The following ASPM variants were observed in gnomAD, a reference collection of about 807,000 sequenced individuals.
ASPM encodes assembly factor for spindle microtubules.
In ASPM, 256 loss-of-function variants were observed where a neutral mutation model predicts 366.4. The observed-to-expected ratio is 0.70, with a 90% CI of 0.63 to 0.77. ASPM has a LOEUF of 0.77. ASPM is among the 30% of genes least tolerant of loss of function. The probability of loss-of-function intolerance (pLI) is 0.00; values close to 1 mark genes in which losing one functional copy is unlikely to be tolerated. For missense variants in ASPM, 4,146 were observed against 4,090.4 expected (o/e 1.01, Z -0.37); for synonymous variants, 1,414 against 1,342.9 (o/e 1.05, Z -1.16).
intron 17 of ASPM, among the ~76,000 whole-genome samples, chr1:197,109,033 G>A (rs931083163): frequency 1.4e-5 from 2 of 145,400 alleles, no homozygotes; most frequent in Admixed American, 6.9e-5. Context: ...TATGCTAATT[G>A]TCCTAATGTG....
In ASPM at chr1:197,086,990, CA is replaced by C; in HGVS notation, c.10162-19del. The stretch of plus-strand genomic sequence containing the variant: ...CGTACATCCTACAAAATAAAATGCA[CA>C]GTTACTAAAAAGTAATAAGAATTAA... On this transcript the variant is annotated intron_variant, in intron 26 of 27. Coordinates refer to ENST00000367409, the MANE Select transcript of ASPM (RefSeq NM_018136.5). The C allele has an allele frequency of 6.3e-7, 1 of 1,596,976 alleles. No individual in the cohort carries two copies. The highest frequency in any genetic ancestry group is 1.1e-5 in the South Asian group (1 of 90,222).
chr1:197,137,127 T>G (rs1658442625), intron 4 of ASPM, among the ~76,000 whole-genome samples: 1 of 152,178 alleles, frequency 6.6e-6, no homozygotes, highest in African/African-American at 2.4e-5. Context: ...AACATTGGAT[T>G]AAGATGAAAG....
intron 18 of ASPM, among the ~76,000 whole-genome samples, chr1:197,100,119 T>C (rs927904703): frequency 6.6e-6 from 1 of 151,730 alleles, no homozygotes; most frequent in African/African-American, 2.4e-5. Context: ...TATTTTCCAC[T>C]TAAAGAAATA....
intron 13 of ASPM, among the ~76,000 whole-genome samples, chr1:197,123,181 G>A (rs995140326): frequency 2.0e-5 from 3 of 152,036 alleles, no homozygotes; most frequent in African/African-American, 7.2e-5. Context: ...ACTAGACAGG[G>A]CTTCATTACT....
rs755617303 is a variant in ASPM at position 197,103,306 on chromosome 1, C to T, written c.5945G>A (p.Arg1982Lys). 10 of 1,613,130 alleles carry T rather than the reference C, an allele frequency of 6.2e-6. No individual in the cohort carries two copies. Among genetic ancestry groups the T allele is most frequent in the Non-Finnish European group, 8.5e-6 (10 of 1,179,446 alleles). The part of the protein sequence containing the change: ...KCAIIIQSYY[R>K]MHVQQKKWKI... The stretch of plus-strand genomic sequence containing the variant: ...CCACTTCTTTTGTTGCACATGCATT[C>T]TATAGTATGACTGTATGATGATAGC... Residue 1982 changes from arginine to lysine, a missense_variant, in exon 18 of 28, where the codon AGA (arginine) becomes AAA (lysine). Arg to Lys is a conservative substitution (Grantham distance 26). This residue lies in a region of ASPM where 3,624 missense variants were observed against 3,591.7 expected (regional missense o/e 1.01). Transcript: ENST00000367409.
intron 4 of ASPM, among the ~76,000 whole-genome samples, chr1:197,137,035 C>A (rs1658440565): frequency 6.6e-6 from 1 of 151,946 alleles, no homozygotes; most frequent in African/African-American, 2.4e-5. Flanking sequence ...AAAGTCTATT[C>A]TCAAATGCAG....
Position 197,117,977 on chromosome 1 carries a change from C to A in ASPM, c.3877G>T (p.Glu1293Ter). The part of the protein sequence containing the change: ...KTDLKRHQER[E>*]KAARIIQLAV... ...AATTGAATAATTCTTGCAGCTTTCT[C>A]TCTCTCCTAAAATAAAAAAGTCAGC... Residue 1293 changes from glutamate to a stop codon, truncating the protein, a stop_gained, in exon 17 of 28, where the codon GAG (glutamate) becomes TAG (stop). Transcript: ENST00000367409. LOFTEE classifies it high-confidence loss of function. The A allele has an allele frequency of 6.2e-7, 1 of 1,613,018 alleles. No individual in the cohort carries two copies. The highest frequency in any genetic ancestry group is 8.5e-7 in the Non-Finnish European group (1 of 1,179,294).
At position 197,128,898 on chromosome 1, in the gene ASPM, A is replaced by G. The variant is rs117055903; in HGVS notation, c.2761-233T>C. 6.9e-4 allele frequency among the ~76,000 whole-genome samples: 105 copies of G among 152,248 alleles called. 1 individual carries two copies. In the East Asian group the frequency reaches 0.02, roughly 29 times the overall value. The stretch of plus-strand genomic sequence containing the variant: ...TTAACTTGATTATATACTACATCAA[A>G]ATTAGGGAAGAAATTTTCTCAAAAA... On this transcript the variant is annotated intron_variant, in intron 9 of 27. Transcript: ENST00000367409.
rs529579918 is a variant in ASPM at position 197,094,155 on chromosome 1, T to C, written c.9013A>G (p.Ile3005Val). ...TRFLNVRASA[I>V]IIQRKWRAIL... is the part of the protein sequence containing the mutation. ...GCTCTCCATTTTCTCTGAATGATAA[T>C]TGCTGATGCTCTCACATTCAAAAAC... is the stretch of plus-strand genomic sequence containing the variant. The change falls in exon 20 of 28, where the codon ATT becomes GTT. Residue 3005 changes from isoleucine to valine, a missense_variant. Around this residue, in one of 3 missense-constraint regions of ASPM, gnomAD observed 3,624 missense variants for 3,591.7 expected, o/e 1.01. Transcript: ENST00000367409. 3.7e-6 allele frequency: 6 copies of C among 1,606,904 alleles called. No homozygotes were observed. In the African/African-American group the frequency reaches 4.0e-5, roughly 11 times the overall value.
In ASPM at chr1:197,094,140, T is replaced by G; in HGVS notation, c.9028A>C (p.Lys3010Gln). 6.2e-7 allele frequency: 1 copy of G among 1,607,926 alleles called. No individual in the cohort carries two copies. The highest frequency in any genetic ancestry group is 8.5e-7 in the Non-Finnish European group (1 of 1,176,254). Residue 3010 changes from lysine (K) to glutamine (Q), a missense_variant, in exon 20 of 28, where the codon AAA becomes CAA. This residue lies in a region of ASPM where 3,624 missense variants were observed against 3,591.7 expected (regional missense o/e 1.01). Coordinates refer to ENST00000367409, the MANE Select transcript of ASPM (RefSeq NM_018136.5). ...VRASAIIIQR[K>Q]WRAILPAKIA... Reference sequence around the variant, plus strand: ...TTTGCAGGAAGTATAGCTCTCCATTTTCTCTGAATGATAATTGCTGATGCT... The same window carrying G: ...TTTGCAGGAAGTATAGCTCTCCATTGTCTCTGAATGATAATTGCTGATGCT...
intron 17 of ASPM, among the ~76,000 whole-genome samples, chr1:197,116,754 G>A (rs969131605): frequency 1.3e-5 from 2 of 152,006 alleles, no homozygotes; most frequent in African/African-American, 4.8e-5. Flanking sequence ...ATTAAACCAC[G>A]GCTATACTCA....
At chr1:197,109,790 T>A (rs2125098985) in intron 17 of ASPM, among the ~76,000 whole-genome samples, 1 of 152,040 alleles carries the variant, frequency 6.6e-6, no homozygotes, top group African/African-American at 2.4e-5. Flanking sequence ...TGTTAAAGGG[T>A]TAACATATAA....
rs1439207848 is a variant in ASPM at position 197,122,579 on chromosome 1, A to T, written c.3407T>A (p.Val1136Glu). ...FYNKKVENFT[V>E]SFSDGRVLCY... ...TAACACACGGCCGTCTGAGAAAGAC[A>T]CTGTAAAATTCTCCACCTGATTGAA... is the stretch of plus-strand genomic sequence containing the variant. The change falls in exon 14 of 28, where the codon GTG becomes GAG. Residue 1136 changes from valine (V) to glutamate (E), a missense_variant. By Grantham distance (121) the Val-to-Glu change is moderately radical (BLOSUM62 -2). Around this residue, in one of 3 missense-constraint regions of ASPM, gnomAD observed 3,624 missense variants for 3,591.7 expected, o/e 1.01. Transcript: ENST00000367409. 1.9e-6 allele frequency: 3 copies of T among 1,607,594 alleles called. No homozygotes were observed. Among genetic ancestry groups the T allele is most frequent in the African/African-American group, 2.7e-5 (2 of 74,798 alleles).
At chr1:197,142,295 A>T (rs373201681) in intron 3 of ASPM, 36 bp downstream of exon 3, 1 of 1,590,542 alleles carries the variant, frequency 6.3e-7, no homozygotes, top group Non-Finnish European at 8.6e-7. Context: ...TCCCCTTTAC[A>T]GGTATACTTC....
intron 10 of ASPM, among the ~76,000 whole-genome samples, chr1:197,126,010 T>A (rs759501756): frequency 6.6e-6 from 1 of 152,168 alleles, no homozygotes; most frequent in African/African-American, 2.4e-5. Flanking sequence ...TATAAAACAG[T>A]CATTTTGCTG....
intron 5 of ASPM, 92 bp downstream of exon 5, chr1:197,135,004 A>G: frequency 1.1e-6 from 1 of 937,648 alleles, no homozygotes; most frequent in East Asian, 3.0e-5. Context: ...ATTAATTATA[A>G]TAACTATGTA....
chr1:197,101,334 T>C lies in ASPM; in HGVS notation c.7917A>G (p.Lys2639=), dbSNP rs112647911. 2.2e-3 allele frequency: 3,584 copies of C among 1,611,236 alleles called. 36 individuals carry two copies. In the African/African-American group the frequency reaches 0.029, roughly 13 times the overall value. Residue 2639 remains lysine, a synonymous_variant, in exon 18 of 28, where the codon AAA becomes AAG. Transcript: ENST00000367409. ...IIIQKHCKAF[K]IRKHYLHLRA... ...TAAGGTGGAGATAATGCTTCCTTAT[T>C]TTAAAGGCTTTACAATGCTTCTGAA...
rs528566428 is a variant in ASPM at position 197,112,935 on chromosome 1, G to A, written c.4065+4854C>T. Reference sequence around the variant, plus strand: ...ACTGAGACCTGACTCAAATTTTGGGGGTTCATATAACAAACCTGCAAATGT... The same window carrying A: ...ACTGAGACCTGACTCAAATTTTGGGAGTTCATATAACAAACCTGCAAATGT... On this transcript the variant is annotated intron_variant, in intron 17 of 27. Transcript: ENST00000367409. 2.6e-5 allele frequency among the ~76,000 whole-genome samples: 4 copies of A among 151,940 alleles called. No individual in the cohort carries two copies. The East Asian group carries it at 7.8e-4, about 29-fold the overall frequency.
Position 197,104,488 on chromosome 1 carries a change from T to G in ASPM, c.4763A>C (p.Lys1588Thr), listed in dbSNP as rs1486992389. 6.2e-7 allele frequency: 1 copy of G among 1,612,764 alleles called. No individual in the cohort carries two copies. The highest frequency in any genetic ancestry group is 8.5e-7 in the Non-Finnish European group (1 of 1,179,336). Residue 1588 changes from lysine to threonine, a missense_variant, in exon 18 of 28, where the codon AAA (lysine) becomes ACA (threonine). Coordinates refer to ENST00000367409, the MANE Select transcript of ASPM (RefSeq NM_018136.5). Reference protein sequence around the residue: ...RFLNLKKTIIKFQAHVRKHQQ... With the variant: ...RFLNLKKTIITFQAHVRKHQQ... ...ATGTTTTCTTACATGTGCCTGAAAT[T>G]TGATAATAGTCTTCTTAAGGTTTAA...
Sources: gnomAD v4.1 joint callset for allele counts (sites outside exome capture counted in the v4.1 genomes callset) on GRCh38, gnomAD v4.1.1 for gene constraint, gnomAD v4.1.1 regional missense constraint, MANE v1.5 for transcripts, NCBI Gene and HGNC (gene_info 2026-07-23, HGNC 2026-07-21) for gene names.